The following ZNF814 variants were observed in gnomAD, a reference collection of about 807,000 sequenced individuals.
The protein encoded by ZNF814 is zinc finger protein 814.
A neutral mutation model predicts 7.5 loss-of-function variants in ZNF814; 5 were observed. That is an observed-to-expected ratio of 0.67 (90% CI 0.35 to 1.40). The LOEUF (loss-of-function observed/expected upper bound fraction) is 1.40, where lower values mean the gene tolerates loss of function less well. Ranked by LOEUF, ZNF814 falls within the 40% of genes most tolerant of loss-of-function variation. ZNF814 has a pLI of 0.04. For missense variants in ZNF814, 962 were observed against 1,018.0 expected (o/e 0.94, Z 0.75); for synonymous variants, 315 against 340.7 (o/e 0.92, Z 0.83).
rs766311608 is a variant in ZNF814, at chr19:57,873,174, G to C, written c.2216C>G (p.Thr739Ser). The C allele has an allele frequency of 6.2e-7, 1 of 1,613,670 alleles. No homozygotes were observed. The highest frequency in any genetic ancestry group is 2.2e-5 in the East Asian group (1 of 44,854). ...YQLIAHQRVH[T>S]GERPYECNDC... ...ATTGCATTCATAAGGCCTTTCTCCAGTGTGAACTCTCTGATGTGCAATGAG... is the reference window on the plus strand; with the variant it reads ...ATTGCATTCATAAGGCCTTTCTCCACTGTGAACTCTCTGATGTGCAATGAG... Residue 739 changes from threonine (T) to serine (S), a missense_variant, in exon 3 of 3, where the codon ACT becomes AGT. Coordinates refer to ENST00000435989, the MANE Select transcript of ZNF814 (RefSeq NM_001144989.2).
At chr19:57,890,360 T>G (rs969067358), upstream of ZNF814, among the ~76,000 whole-genome samples, 1 of 151,878 alleles carries the variant, frequency 6.6e-6, no homozygotes, top group African/African-American at 2.4e-5. Flanking sequence ...GTTGTTTATT[T>G]GTTTGTTTGT....
chr19:57,876,823 C>G, intron 2 of ZNF814, 93 bp downstream of exon 2: 1 of 1,569,604 alleles, frequency 6.4e-7, no homozygotes, highest in African/African-American at 1.4e-5. Flanking sequence ...GAAGCTGTGT[C>G]CATGCTCCTG....
chr19:57,899,272 T>A, the ZNF814 span, among the ~76,000 whole-genome samples: 1 of 152,294 alleles, frequency 6.6e-6, no homozygotes, highest in South Asian at 2.1e-4. Context: ...GAGAACAATT[T>A]AAAAAATGTT....
Position 57,874,672 on chromosome 19 carries a change from C to T in ZNF814, c.718G>A (p.Glu240Lys). The T allele has an allele frequency of 6.4e-7, 1 of 1,561,220 alleles. No homozygotes were observed. The highest frequency in any genetic ancestry group is 8.7e-7 in the Non-Finnish European group (1 of 1,151,658). ...CCACATTCACAGCACACATAACACT[C>T]TTCTCTAGTGAGCAGTCTCTGGTGC... ...SQHQRLLTRE[E>K]CYVCCECGKS... Residue 240 changes from glutamate to lysine, a missense_variant, in exon 3 of 3, where the codon GAG (glutamate) becomes AAG (lysine). Physicochemically the swap from Glu to Lys is moderately conservative, Grantham distance 56. Transcript: ENST00000435989.
At chr19:57,888,737 A>T (rs1457757518) in intron 1 of ZNF814, 30 bp downstream of exon 1, 3 of 1,553,382 alleles carry the variant, frequency 1.9e-6, no homozygotes. Context: ...CGATGAGGTG[A>T]CCTGAGGACA....
intron 1 of ZNF814, among the ~76,000 whole-genome samples, chr19:57,877,875 T>C (rs886704820): frequency 1.3e-5 from 2 of 152,102 alleles, no homozygotes; most frequent in Non-Finnish European, 2.9e-5. Flanking sequence ...TACAAATCAA[T>C]TGTATTGAGC....
chr19:57,893,316 G>T (rs1329537437), upstream of ZNF814, among the ~76,000 whole-genome samples: 1 of 151,834 alleles, frequency 6.6e-6, no homozygotes, highest in Admixed American at 6.6e-5. Context: ...TGGGATTACA[G>T]GCACGCACCA....
rs1192175091 is a variant in ZNF814 at position 57,870,473 on chromosome 19, T to A, written c.*2349A>T. On this transcript the variant is annotated 3_prime_UTR_variant, in exon 3 of 3. Coordinates refer to ENST00000435989, the MANE Select transcript of ZNF814 (RefSeq NM_001144989.2). ...CAAAGGCCACATCACTGAACTGAGA[T>A]CTCCCTTCTCCCTATCATCTTCCTC... The A allele has an allele frequency of 6.6e-6, 1 of 152,046 alleles. No individual in the cohort carries two copies. Among genetic ancestry groups the A allele is most frequent in the Non-Finnish European group, 1.5e-5 (1 of 68,026 alleles). 9.4% of individuals were successfully genotyped at this position (152,046 alleles called of 1,614,324 possible). A position where few individuals can be genotyped will look rare whatever the true frequency, so the allele number is the denominator to read the frequency against.
rs762460510 is a variant in ZNF814, at chr19:57,876,911, C to T, written c.163+5G>A. On this transcript the variant is annotated splice_donor_5th_base_variant and intron_variant, in intron 2 of 2. Transcript: ENST00000435989. ...CAGGTCACAGGGTGAGTGTGAGCAA[C>T]TTACCCAGGGAGGATATAAGTGCCA... 1.9e-6 allele frequency: 3 copies of T among 1,613,968 alleles called. No homozygotes were observed. The highest frequency in any genetic ancestry group is 1.6e-4 in the Middle Eastern group (1 of 6,082).
chr19:57,904,841 G>A, the ZNF814 span, among the ~76,000 whole-genome samples: 1 of 149,022 alleles, frequency 6.7e-6, no homozygotes, highest in Non-Finnish European at 1.5e-5. Context: ...ACCTGAGGTC[G>A]AGCGTTCCTG....
chr19:57,904,842 A>G, the ZNF814 span, among the ~76,000 whole-genome samples: 1 of 149,140 alleles, frequency 6.7e-6, no homozygotes, highest in African/African-American at 2.5e-5. Context: ...CCTGAGGTCG[A>G]GCGTTCCTGA....
intron 1 of ZNF814, among the ~76,000 whole-genome samples, chr19:57,877,246 AC>A (rs1410117269): frequency 6.6e-6 from 1 of 151,814 alleles, no homozygotes. Context: ...GTAAGAGTCC[AC>A]CCCCTCCTGA....
At chr19:57,901,042 G>A in the ZNF814 span, among the ~76,000 whole-genome samples, 3 of 147,854 alleles carry the variant, frequency 2.0e-5, no homozygotes, top group African/African-American at 5.1e-5. Flanking sequence ...TAGAGACGGG[G>A]TTTCACCGTG....
the ZNF814 span, among the ~76,000 whole-genome samples, chr19:57,902,979 G>A: frequency 5.3e-5 from 8 of 151,940 alleles, no homozygotes; most frequent in East Asian, 7.7e-4. Flanking sequence ...CCGCCAGGCC[G>A]GAAATATTAC....
the ZNF814 span, among the ~76,000 whole-genome samples, chr19:57,903,788 A>C: frequency 6.6e-6 from 1 of 152,222 alleles, no homozygotes; most frequent in East Asian, 1.9e-4. Flanking sequence ...CCGCTTCTGG[A>C]GAGAAAGCCG....
intron 1 of ZNF814, among the ~76,000 whole-genome samples, chr19:57,879,748 T>C (rs2071636867): frequency 6.8e-6 from 1 of 147,072 alleles, no homozygotes; most frequent in African/African-American, 2.5e-5. Flanking sequence ...TACTCCCAAC[T>C]TGCTCATCTC....
At chr19:57,891,447 C>G (rs2071733753), upstream of ZNF814, among the ~76,000 whole-genome samples, 1 of 151,670 alleles carries the variant, frequency 6.6e-6, no homozygotes. Flanking sequence ...ACGGCGTGAA[C>G]CCGGGAGGTG....
chr19:57,901,773 G>A, the ZNF814 span: 1 of 398,604 alleles, frequency 2.5e-6, no homozygotes. Context: ...TATGATGGTG[G>A]TACTTACTGT....
In ZNF814 at chr19:57,871,746, CAAAG is replaced by C. The variant is rs1166830262; in HGVS notation, c.*1072_*1075del. 10 of 139,780 alleles carry C rather than the reference CAAAG, an allele frequency of 7.2e-5. No individual in the cohort carries two copies. Among genetic ancestry groups the C allele is most frequent in the South Asian group, 2.3e-4 (1 of 4,356 alleles). 8.7% of individuals were successfully genotyped at this position (139,780 alleles called of 1,614,324 possible). A position where few individuals can be genotyped will look rare whatever the true frequency, so the allele number is the denominator to read the frequency against. ...TGACTTATCAGACAGAAAAAAATGA[CAAAG>C]GAAGAAGTGCTGAAGCTACTCAACA... is the stretch of plus-strand genomic sequence containing the variant. On this transcript the variant is annotated 3_prime_UTR_variant, in exon 3 of 3. Transcript: ENST00000435989.
Sources: gnomAD v4.1 joint callset for allele counts (sites outside exome capture counted in the v4.1 genomes callset) on GRCh38, gnomAD v4.1.1 for gene constraint, MANE v1.5 for transcripts, NCBI Gene and HGNC (gene_info 2026-07-23, HGNC 2026-07-21) for gene names.